RALGPS1: variants seen among roughly 807,000 people sequenced by gnomAD.
RALGPS1 encodes Ral GEF with PH domain and SH3 binding motif 1.
RALGPS1 carries 19 observed loss-of-function variants against 78.8 expected under a neutral mutation model. That is an observed-to-expected ratio of 0.24 (90% confidence interval 0.17 to 0.35). The LOEUF (loss-of-function observed/expected upper bound fraction) is 0.35, where lower values mean the gene tolerates loss of function less well. Ranked by LOEUF, RALGPS1 falls within the 10% of genes least tolerant of loss-of-function variation. The pLI, the probability that RALGPS1 is intolerant of heterozygous loss-of-function variation, is 1.00. For synonymous variants in RALGPS1, 228 were observed against 256.3 expected (o/e 0.89, Z 1.06); for missense variants, 454 against 688.3 (o/e 0.66, Z 3.81).
chr9:127,086,807 G>A (rs2051801123), intron 8 of RALGPS1, among the ~76,000 whole-genome samples: 1 of 152,112 alleles, frequency 6.6e-6, no homozygotes, highest in Admixed American at 6.5e-5. Flanking sequence ...GTTTTACAAG[G>A]AGACAGTTCT....
rs558412422 is a variant in RALGPS1, at chr9:127,107,900, C to T, written c.610+38544C>T. On this transcript the variant is annotated intron_variant, in intron 8 of 18. Coordinates refer to ENST00000259351, the MANE Select transcript of RALGPS1 (RefSeq NM_014636.3). Reference sequence around the variant, plus strand: ...CTCTGAGACCCACATGTAACACGATCCCAGAAGCACTTACCCGACGGCTTG... The same window carrying T: ...CTCTGAGACCCACATGTAACACGATTCCAGAAGCACTTACCCGACGGCTTG... 96 of 1,518,820 alleles carry T rather than the reference C, an allele frequency of 6.3e-5. No individual in the cohort carries two copies. In the South Asian group the frequency reaches 1.1e-3, roughly 18 times the overall value. The allele number at this position is 1,518,820 out of a possible 1,614,324, so 94.1% of individuals were successfully genotyped here. A position where few individuals can be genotyped will look rare whatever the true frequency, so the allele number is the denominator to read the frequency against.
chr9:127,153,108 A>G (rs2058514651), intron 8 of RALGPS1, among the ~76,000 whole-genome samples: 1 of 152,228 alleles, frequency 6.6e-6, no homozygotes, highest in Non-Finnish European at 1.5e-5. Context: ...AACATCACAT[A>G]TGACATAGTA....
intron 5 of RALGPS1, among the ~76,000 whole-genome samples, chr9:127,049,718 G>T (rs62580845): frequency 0.023 from 3,568 of 152,260 alleles, 47 homozygotes; most frequent in Middle Eastern, 0.048. Flanking sequence ...CAGGAATTCA[G>T]TCTGATTCAT....
At chr9:126,987,945 C>T (rs1418465379) in intron 4 of RALGPS1, among the ~76,000 whole-genome samples, 4 of 152,128 alleles carry the variant, frequency 2.6e-5, no homozygotes, top group Non-Finnish European at 5.9e-5. Flanking sequence ...GCATGTCCCA[C>T]AGAAGGGATG....
chr9:127,062,060 GTA>G (rs1269652670), intron 7 of RALGPS1, among the ~76,000 whole-genome samples: 1 of 152,186 alleles, frequency 6.6e-6, no homozygotes, highest in Non-Finnish European at 1.5e-5. Context: ...ATACATGTAT[GTA>G]TATGTGTGTG....
chr9:127,113,828 C>T (rs2055115239), intron 8 of RALGPS1, among the ~76,000 whole-genome samples: 1 of 152,152 alleles, frequency 6.6e-6, no homozygotes, highest in Non-Finnish European at 1.5e-5. Context: ...TGAATGTCCC[C>T]GCTTGGCCTG....
chr9:126,967,542 A>AT (rs1564328307), intron 3 of RALGPS1, among the ~76,000 whole-genome samples: 10 of 145,472 alleles, frequency 6.9e-5, no homozygotes, highest in Middle Eastern at 3.6e-3. Flanking sequence ...ATTATAGAAT[A>AT]ATTTTTTTTT....
At chr9:127,184,364 G>A (rs1049447694) in intron 11 of RALGPS1, 27 of 318,976 alleles carry the variant, frequency 8.5e-5, no homozygotes, top group Admixed American at 3.2e-4. Flanking sequence ...TCTAAATGAT[G>A]TGTGAGACAG....
At chr9:127,207,024 G>A (rs1366908550) in intron 14 of RALGPS1, among the ~76,000 whole-genome samples, 1 of 152,068 alleles carries the variant, frequency 6.6e-6, no homozygotes, top group African/African-American at 2.4e-5. Context: ...ACCTCACAGT[G>A]TTATATGAAT....
At chr9:126,957,211 G>T (rs1187566359) in intron 1 of RALGPS1, among the ~76,000 whole-genome samples, 1 of 152,270 alleles carries the variant, frequency 6.6e-6, no homozygotes, top group East Asian at 1.9e-4. Flanking sequence ...GGGTAGCGTG[G>T]TGGTGCCCTT....
At chr9:127,065,521 A>G (rs2049609546) in intron 7 of RALGPS1, among the ~76,000 whole-genome samples, 1 of 152,080 alleles carries the variant, frequency 6.6e-6, no homozygotes, top group Non-Finnish European at 1.5e-5. Flanking sequence ...TGCCCTACCT[A>G]TTTTTCTGGA....
At chr9:126,975,426 A>G (rs922993223) in intron 3 of RALGPS1, among the ~76,000 whole-genome samples, 1 of 152,226 alleles carries the variant, frequency 6.6e-6, no homozygotes, top group East Asian at 1.9e-4. Flanking sequence ...TCTCATTTTC[A>G]CATTAGCAGA....
intron 4 of RALGPS1, among the ~76,000 whole-genome samples, chr9:126,983,760 A>G (rs1168730593): frequency 6.6e-6 from 1 of 152,104 alleles, no homozygotes; most frequent in East Asian, 1.9e-4. Flanking sequence ...TCTAAATTGT[A>G]AATATTCTGC....
chr9:126,974,823 C>A (rs1588752909), intron 3 of RALGPS1, among the ~76,000 whole-genome samples: 1 of 152,016 alleles, frequency 6.6e-6, no homozygotes, highest in African/African-American at 2.4e-5. Context: ...TGTAACATAC[C>A]CCTAGAAAAT....
intron 14 of RALGPS1, chr9:127,210,493 G>A (rs931749357): frequency 2.5e-5 from 15 of 588,244 alleles, no homozygotes; most frequent in Non-Finnish European, 4.2e-5. Context: ...GAGACTCTGA[G>A]GGGTGCTGTG....
intron 8 of RALGPS1, among the ~76,000 whole-genome samples, chr9:127,134,695 T>C (rs1267824833): frequency 6.6e-6 from 1 of 152,174 alleles, no homozygotes; most frequent in Non-Finnish European, 1.5e-5. Flanking sequence ...GTTTTTGTTG[T>C]TGTTGTTGTT....
At chr9:127,191,700 G>GTTTTTTTTTTTTTTTTTTTTTTGT in intron 11 of RALGPS1, among the ~76,000 whole-genome samples, 1 of 125,538 alleles carries the variant, frequency 8.0e-6, no homozygotes, top group Non-Finnish European at 1.6e-5. Context: ...GTTTTTTTTT[G>GTTTTTTTTTTTTTTTTTTTTTTGT]TTTTTTTTTT....
chr9:127,021,199 G>A (rs2045404781), intron 4 of RALGPS1, among the ~76,000 whole-genome samples: 1 of 152,074 alleles, frequency 6.6e-6, no homozygotes, highest in Non-Finnish European at 1.5e-5. Context: ...GCCAGCCTAA[G>A]CAATGTAATA....
intron 8 of RALGPS1, among the ~76,000 whole-genome samples, chr9:127,125,317 G>T (rs535112047): frequency 6.6e-6 from 1 of 152,304 alleles, no homozygotes; most frequent in African/African-American, 2.4e-5. Context: ...CCCTCCTTTC[G>T]TGTAGCCCAG....
Sources: gnomAD v4.1 joint callset for allele counts (sites outside exome capture counted in the v4.1 genomes callset) on GRCh38, gnomAD v4.1.1 for gene constraint, MANE v1.5 for transcripts, NCBI Gene and HGNC (gene_info 2026-07-23, HGNC 2026-07-21) for gene names.